The following SNX19 variants were observed in gnomAD, a reference collection of about 807,000 sequenced individuals.
SNX19 encodes the protein sorting nexin 19.
In SNX19, 60 loss-of-function variants were observed where a neutral mutation model predicts 85.2. The observed-to-expected ratio is 0.70, with a 90% CI of 0.57 to 0.87. SNX19 has a LOEUF of 0.87. Among genes scored for constraint, SNX19 ranks in the 40% least tolerant of loss-of-function variants. SNX19 has a pLI of 0.00. For missense variants in SNX19, 1,201 were observed against 1,217.8 expected (o/e 0.99, Z 0.21); for synonymous variants, 520 against 470.0 (o/e 1.11, Z -1.38).
chr11:130,899,520 A>C (rs1945118053), intron 8 of SNX19, among the ~76,000 whole-genome samples: 1 of 152,224 alleles, frequency 6.6e-6, no homozygotes, highest in South Asian at 2.1e-4. Context: ...AATGGCCTCA[A>C]ACAGAGAAGT....
rs1197754898 is a variant in SNX19 at position 130,868,393 on chromosome 11, T to A, written c.*10029A>T. The A allele has an allele frequency of 6.6e-6, 1 of 152,174 alleles. No homozygotes were observed. Among genetic ancestry groups the A allele is most frequent in the Non-Finnish European group, 1.5e-5 (1 of 68,060 alleles). 9.4% of individuals were successfully genotyped at this position (152,174 alleles called of 1,614,324 possible). On this transcript the variant is annotated 3_prime_UTR_variant, in exon 11 of 11. Transcript: ENST00000265909. ...TCTTGAGCCCGTAATTTATCAGATT[T>A]TTTTTCCTGTGGCGATACAGAGGCC...
intron 9 of SNX19, 149 bp downstream of exon 9, chr11:130,880,473 T>C: frequency 3.0e-6 from 2 of 676,254 alleles, no homozygotes; most frequent in East Asian, 5.1e-5. Context: ...CATTTTCCTA[T>C]TAGCCTGGGA....
At chr11:130,899,760 TACA>T (rs546338488) in intron 8 of SNX19, among the ~76,000 whole-genome samples, 94 of 152,318 alleles carry the variant, frequency 6.2e-4, no homozygotes, top group African/African-American at 2.1e-3. Flanking sequence ...AGGCCATAGT[TACA>T]ACAAGTTTTT....
In SNX19 at chr11:130,910,094, T is replaced by C. The variant is rs769377748; in HGVS notation, c.1958A>G (p.Gln653Arg). ...ATCTGTGTTCAGAGCAAGGAACTCC[T>C]GCACCTCCTCACTGTTAGCGATCTC... is the stretch of plus-strand genomic sequence containing the variant. ...IPEIANSEEV[Q>R]EFLALNTDAR... Residue 653 changes from glutamine (Q) to arginine (R), a missense_variant, in exon 4 of 11, where the codon CAG becomes CGG. This residue lies in a region of SNX19 where 125 missense variants were observed against 171.6 expected (regional missense o/e 0.73). Coordinates refer to ENST00000265909, the MANE Select transcript of SNX19 (RefSeq NM_014758.3). 1 of 1,614,170 alleles carries C rather than the reference T, an allele frequency of 6.2e-7. No homozygotes were observed. Among genetic ancestry groups the C allele is most frequent in the East Asian group, 2.2e-5 (1 of 44,880 alleles).
In SNX19 at chr11:130,914,272, A is replaced by G; in HGVS notation, c.1668T>C (p.Thr556=). ...ACAGCTTTAATCCTGTTACCTTCAC[A>G]GTATAGAGTGTGTATGGGTGGAATC... ...GTGFHPYTLY[T]VKYETALDGE... is the part of the protein sequence containing the mutation. Residue 556 remains threonine (T), a synonymous_variant, in exon 1 of 11, where the codon ACT becomes ACC. Transcript: ENST00000265909. 1.3e-6 allele frequency: 2 copies of G among 1,557,546 alleles called. No individual in the cohort carries two copies. Among genetic ancestry groups the G allele is most frequent in the Non-Finnish European group, 1.7e-6 (2 of 1,150,970 alleles).
rs1215358769 is a variant in SNX19 at position 130,873,286 on chromosome 11, C to T, written c.*5136G>A. On this transcript the variant is annotated 3_prime_UTR_variant, in exon 11 of 11. Coordinates refer to ENST00000265909, the MANE Select transcript of SNX19 (RefSeq NM_014758.3). ...TATGAATTGTCTACAACTGTTTTTA[C>T]GCTACAGTGGAAAAGCTGAGTAGTT... 1.3e-5 allele frequency among the ~76,000 whole-genome samples: 2 copies of T among 152,144 alleles called. No homozygotes were observed. The highest frequency in any genetic ancestry group is 6.5e-5 in the Admixed American group (1 of 15,274).
At position 130,876,335 on chromosome 11, in the gene SNX19, C is replaced by T. The variant is rs1266608078; in HGVS notation, c.*2087G>A. ...AAAGCCAGATGAGTTCTGATTGTTC[C>T]CTTGGCAATATCCATTATTTCCCTC... On this transcript the variant is annotated 3_prime_UTR_variant, in exon 11 of 11. Coordinates refer to ENST00000265909, the MANE Select transcript of SNX19 (RefSeq NM_014758.3). 1 of 152,264 alleles carries T rather than the reference C, an allele frequency of 6.6e-6. No homozygotes were observed. The highest frequency in any genetic ancestry group is 1.5e-5 in the Non-Finnish European group (1 of 68,034). The allele number at this position is 152,264 out of a possible 1,614,324, so 9.4% of individuals were successfully genotyped here.
At position 130,875,261 on chromosome 11, in the gene SNX19, AAC is replaced by A; in HGVS notation, c.*3159_*3160del. ...AGTGAAATAAGCCAGTCAAAGGACA[AAC>A]ACTGCATGATTCCACTTATATGAGG... On this transcript the variant is annotated 3_prime_UTR_variant, in exon 11 of 11. Transcript: ENST00000265909. 6.6e-6 allele frequency among the ~76,000 whole-genome samples: 1 copy of A among 152,338 alleles called. No homozygotes were observed. The highest frequency in any genetic ancestry group is 2.4e-5 in the African/African-American group (1 of 41,586).
At chr11:130,911,597 A>C in intron 2 of SNX19, 36 bp downstream of exon 2, 1 of 1,612,790 alleles carries the variant, frequency 6.2e-7, no homozygotes, top group Non-Finnish European at 8.5e-7. Context: ...CGACGTGGGA[A>C]GCAAGCGGGC....
rs1460686328 is a variant in SNX19, at chr11:130,870,325, C to T, written c.*8097G>A. The T allele has an allele frequency of 6.6e-6, 1 of 152,260 alleles. No homozygotes were observed. The highest frequency in any genetic ancestry group is 1.5e-5 in the Non-Finnish European group (1 of 68,060). 9.4% of individuals were successfully genotyped at this position (152,260 alleles called of 1,614,324 possible). On this transcript the variant is annotated 3_prime_UTR_variant, in exon 11 of 11. Coordinates refer to ENST00000265909, the MANE Select transcript of SNX19 (RefSeq NM_014758.3). ...GCATCCACATATGCACACTTACTTC[C>T]CTTGGATGTGTGGCAACGAGCTCTG...
At position 130,879,765 on chromosome 11, in the gene SNX19, C is replaced by G. The variant is rs2135275770; in HGVS notation, c.2759-54G>C. ...CGTGTTATCACTGAAGTTTTAGATT[C>G]TAAGGACAGTCTCTCCCCAGGATCT... is the stretch of plus-strand genomic sequence containing the variant. On this transcript the variant is annotated intron_variant, in intron 9 of 10. Transcript: ENST00000265909. 4 of 1,518,552 alleles carry G rather than the reference C, an allele frequency of 2.6e-6. No individual in the cohort carries two copies. The South Asian group carries it at 4.5e-5, about 17-fold the overall frequency. The allele number at this position is 1,518,552 out of a possible 1,614,324, so 94.1% of individuals were successfully genotyped here. A position where few individuals can be genotyped will look rare whatever the true frequency, so the allele number is the denominator to read the frequency against.
At chr11:130,878,685 T>G in intron 10 of SNX19, 131 bp from the exon 11 acceptor site, 1 of 1,147,280 alleles carries the variant, frequency 8.7e-7, no homozygotes, top group Non-Finnish European at 1.2e-6. Context: ...ACCTCTGCCA[T>G]GAAATTAATG....
intron 8 of SNX19, among the ~76,000 whole-genome samples, chr11:130,901,416 G>A (rs773156467): frequency 6.6e-6 from 1 of 152,140 alleles, no homozygotes; most frequent in African/African-American, 2.4e-5. Flanking sequence ...GACATTTTAT[G>A]CTTAATATAT....
intron 8 of SNX19, among the ~76,000 whole-genome samples, chr11:130,885,343 C>A (rs991191188): frequency 1.3e-5 from 2 of 152,272 alleles, no homozygotes; most frequent in East Asian, 3.9e-4. Flanking sequence ...TCTGAAATAG[C>A]CGCAGATAGG....
At chr11:130,899,996 G>A (rs553593529) in intron 8 of SNX19, among the ~76,000 whole-genome samples, 1 of 152,306 alleles carries the variant, frequency 6.6e-6, no homozygotes, top group South Asian at 2.1e-4. Context: ...TTTCCTTTAT[G>A]GCATGAGCTA....
At chr11:130,905,598 A>C (rs1159508598) in intron 7 of SNX19, 8 of 1,343,816 alleles carry the variant, frequency 6.0e-6, no homozygotes, top group South Asian at 1.5e-5. Flanking sequence ...GGCATGAAGG[A>C]AACCAGGAAA....
Position 130,916,234 on chromosome 11 carries a change from G to A in SNX19, c.-295C>T, listed in dbSNP as rs1268171199. 4 of 397,222 alleles carry A rather than the reference G, an allele frequency of 1.0e-5. No homozygotes were observed. Among genetic ancestry groups the A allele is most frequent in the East Asian group, 4.6e-5 (1 of 21,562 alleles). 24.6% of individuals were successfully genotyped at this position (397,222 alleles called of 1,614,324 possible). A position where few individuals can be genotyped will look rare whatever the true frequency, so the allele number is the denominator to read the frequency against. ...GCCCCAGGCGGAAGGCCTCTTCGGGGCCTCGGGGCGGGCGCTGCAAGGCCC... is the reference window on the plus strand; with the variant it reads ...GCCCCAGGCGGAAGGCCTCTTCGGGACCTCGGGGCGGGCGCTGCAAGGCCC... On this transcript the variant is annotated 5_prime_UTR_variant, in exon 1 of 11. Coordinates refer to ENST00000265909, the MANE Select transcript of SNX19 (RefSeq NM_014758.3).
At position 130,915,810 on chromosome 11, in the gene SNX19, G is replaced by A. The variant is rs775091906; in HGVS notation, c.130C>T (p.Leu44Phe). Reference protein sequence around the residue: ...VLLGWLLVIHLLVNVWLLCLL... With the variant: ...VLLGWLLVIHFLVNVWLLCLL... Reference sequence around the variant, plus strand: ...CACAGCAGCCACACGTTGACCAGAAGGTGTATGACCAGGAGCCAGCCAAGC... The same window carrying A: ...CACAGCAGCCACACGTTGACCAGAAAGTGTATGACCAGGAGCCAGCCAAGC... Residue 44 changes from leucine (L) to phenylalanine (F), a missense_variant, in exon 1 of 11, where the codon CTT becomes TTT. By Grantham distance (22) the Leu-to-Phe change is conservative. This residue lies in a region of SNX19 where 791 missense variants were observed against 750.9 expected (regional missense o/e 1.05). Coordinates refer to ENST00000265909, the MANE Select transcript of SNX19 (RefSeq NM_014758.3). The A allele has an allele frequency of 1.2e-6, 2 of 1,614,134 alleles. No individual in the cohort carries two copies. Among genetic ancestry groups the A allele is most frequent in the South Asian group, 1.1e-5 (1 of 91,090 alleles).
In SNX19 at chr11:130,872,275, G is replaced by T. The variant is rs1230247840; in HGVS notation, c.*6147C>A. 1.3e-5 allele frequency among the ~76,000 whole-genome samples: 2 copies of T among 152,132 alleles called. No homozygotes were observed. Among genetic ancestry groups the T allele is most frequent in the African/African-American group, 4.8e-5 (2 of 41,428 alleles). ...AGGATGACAGGGAGGCAGTGCAAAGGCTCCGCAAGTCTGAAAATAGCATAG... is the reference window on the plus strand; with the variant it reads ...AGGATGACAGGGAGGCAGTGCAAAGTCTCCGCAAGTCTGAAAATAGCATAG... On this transcript the variant is annotated 3_prime_UTR_variant, in exon 11 of 11. Transcript: ENST00000265909.
Sources: gnomAD v4.1 joint callset for allele counts (sites outside exome capture counted in the v4.1 genomes callset) on GRCh38, gnomAD v4.1.1 for gene constraint, gnomAD v4.1.1 regional missense constraint, MANE v1.5 for transcripts, NCBI Gene and HGNC (gene_info 2026-07-23, HGNC 2026-07-21) for gene names.